ZNF695: variants seen among roughly 807,000 people sequenced by gnomAD.
ZNF695 encodes zinc finger protein 695.
In ZNF695, 11 loss-of-function variants were observed where a neutral mutation model predicts 11.2. The ratio of observed to expected loss-of-function variants is 0.98; its 90% CI spans 0.62 to 1.62. The LOEUF is 1.62. ZNF695 is among the 40% of genes most tolerant of loss of function. ZNF695 has a pLI of 0.00. For synonymous variants in ZNF695, 190 were observed against 201.4 expected (o/e 0.94, Z 0.48); for missense variants, 559 against 590.5 (o/e 0.95, Z 0.55).
At chr1:246,959,664 G>A (rs1209758189) in intron 5 of ZNF695, among the ~76,000 whole-genome samples, 4 of 151,916 alleles carry the variant, frequency 2.6e-5, no homozygotes, top group Non-Finnish European at 4.4e-5. Context: ...CTGACCTCGT[G>A]ATCCACCAGC....
chr1:246,985,233 A>G, downstream of ZNF695: 1 of 919,522 alleles, frequency 1.1e-6, no homozygotes, highest in Middle Eastern at 5.6e-4. Context: ...AAGCATGTAT[A>G]TGTTTTGCAG....
Position 246,987,302 on chromosome 1 carries a change from G to C in ZNF695, c.1213C>G (p.Gln405Glu), listed in dbSNP as rs878975270. 2 of 1,609,322 alleles carry C rather than the reference G, an allele frequency of 1.2e-6. No individual in the cohort carries two copies. Among genetic ancestry groups the C allele is most frequent in the Non-Finnish European group, 1.7e-6 (2 of 1,178,878 alleles). The change falls in exon 4 of 4, where the codon CAG (glutamine) becomes GAG (glutamate). Residue 405 changes from glutamine (Q) to glutamate (E), a missense_variant. Transcript: ENST00000339986. ...LIQHKRIHTG[Q>E]KPYKCEECGK... ...CATTCCTCACATTTGTAGGGTTTCT[G>C]CCCAGTATGAATTCTCTTATGCTGA... is the stretch of plus-strand genomic sequence containing the variant.
chr1:246,951,332 C>A (rs1415306637), intron 5 of ZNF695, among the ~76,000 whole-genome samples: 1 of 152,106 alleles, frequency 6.6e-6, no homozygotes, highest in Non-Finnish European at 1.5e-5. Context: ...TAGGGTGGGT[C>A]CTCATACAAT....
chr1:246,997,891 G>A (rs1224121475), intron 3 of ZNF695, among the ~76,000 whole-genome samples: 1 of 152,180 alleles, frequency 6.6e-6, no homozygotes, highest in African/African-American at 2.4e-5. Flanking sequence ...GATTGCCAAG[G>A]AGGTAGGAAA....
chr1:246,975,557 A>G (rs750917294), intron 4 of ZNF695, among the ~76,000 whole-genome samples: 63 of 152,250 alleles, frequency 4.1e-4, no homozygotes, highest in Non-Finnish European at 6.6e-4. Context: ...GCAATAATAC[A>G]GTGCTTCGAA....
chr1:246,967,998 C>T (rs1668332370), intron 4 of ZNF695: 1 of 156,626 alleles, frequency 6.4e-6, no homozygotes, highest in Non-Finnish European at 1.4e-5. Flanking sequence ...CATATCATTC[C>T]ACTCCTGGCC....
chr1:246,995,966 T>C lies in ZNF695; in HGVS notation c.259+3382A>G, dbSNP rs78701258. On this transcript the variant is annotated intron_variant, in intron 3 of 3. Transcript: ENST00000339986. ...ACATGAAGAGTTCTTTGCATGCCCA[T>C]ATTTATTGCAACATTATTCACAAAA... 1,757 of 443,670 alleles carry C rather than the reference T, an allele frequency of 4.0e-3. 32 individuals are homozygous for C. The highest frequency in any genetic ancestry group is 0.031 in the African/African-American group (1,513 of 49,450). 27.5% of individuals were successfully genotyped at this position (443,670 alleles called of 1,614,324 possible). A position where few individuals can be genotyped will look rare whatever the true frequency, so the allele number is the denominator to read the frequency against.
chr1:247,008,018 G>C lies in ZNF695; in HGVS notation c.-110C>G, dbSNP rs1240392114. ...ACCCGGGACTCTCCGAGAGGCAGCA[G>C]ACGGGAACCCAGCACCCCGCCGGCC... On this transcript the variant is annotated 5_prime_UTR_variant, in exon 1 of 4. Coordinates refer to ENST00000339986, the MANE Select transcript of ZNF695 (RefSeq NM_020394.5). 1 of 1,267,602 alleles carries C rather than the reference G, an allele frequency of 7.9e-7. No individual in the cohort carries two copies. The highest frequency in any genetic ancestry group is 1.5e-5 in the African/African-American group (1 of 65,158). The allele number at this position is 1,267,602 out of a possible 1,614,324, so 78.5% of individuals were successfully genotyped here. A position where few individuals can be genotyped will look rare whatever the true frequency, so the allele number is the denominator to read the frequency against.
Position 246,974,161 on chromosome 1 carries a change from C to CA in ZNF695, c.391-6370dup, listed in dbSNP as rs912540573. On this transcript the variant is annotated intron_variant, in intron 4 of 5. Coordinates refer to the ZNF695 transcript ENST00000487338. The stretch of plus-strand genomic sequence containing the variant: ...TTGGAATAAAAAACAAACAAACAAA[C>CA]AAAAAAAAACAAACAAAAAACAACA... Among the ~76,000 whole-genome samples the CA allele has an allele frequency of 5.1e-3, 729 of 142,760 alleles. 5 individuals are homozygous for CA. Among genetic ancestry groups the CA allele is most frequent in the African/African-American group, 0.016 (609 of 38,442 alleles). 93.7% of individuals were successfully genotyped at this position (142,760 alleles called of 152,430 possible).
intron 3 of ZNF695, among the ~76,000 whole-genome samples, chr1:246,990,010 AAAGGGAGAAAGGGG>A (rs1334843433): frequency 1.1e-4 from 4 of 35,954 alleles, no homozygotes; most frequent in Non-Finnish European, 2.0e-4. Flanking sequence ...TGAAAGGGAG[AAAGGGAGAAAGGGG>A]AAAGGGAAAG....
At position 246,963,231 on chromosome 1, in the gene ZNF695, C is replaced by T. The variant is rs1019198262; in HGVS notation, c.488+4464G>A. ...CTTCTGCATTCATTTATTCATGACA[C>T]GTTTACTAAAGGTGACTGTGTGCCA... On this transcript the variant is annotated intron_variant, in intron 5 of 5. Transcript: ENST00000487338. Among the ~76,000 whole-genome samples the T allele has an allele frequency of 1.2e-4, 19 of 152,242 alleles. 1 individual carries two copies. Among genetic ancestry groups the T allele is most frequent in the Middle Eastern group, 6.8e-3 (2 of 294 alleles).
chr1:246,978,295 T>C (rs1261289883), intron 4 of ZNF695, among the ~76,000 whole-genome samples: 1 of 152,236 alleles, frequency 6.6e-6, no homozygotes, highest in African/African-American at 2.4e-5. Context: ...AGAGGTATAA[T>C]TAAACAGCTG....
downstream of ZNF695, among the ~76,000 whole-genome samples, chr1:246,980,714 G>A (rs553600943): frequency 3.4e-4 from 52 of 152,142 alleles, no homozygotes; most frequent in African/African-American, 1.2e-3. Context: ...CACCGCACCC[G>A]GCCGAGTTTA....
At chr1:246,989,853 C>T (rs144902151) in intron 3 of ZNF695, among the ~76,000 whole-genome samples, 3,214 of 152,082 alleles carry the variant, frequency 0.021, 39 homozygotes, top group Middle Eastern at 0.058. Flanking sequence ...CCCATCTCTA[C>T]CAAAAATACA....
chr1:246,999,699 T>C (rs1020103156), intron 2 of ZNF695, among the ~76,000 whole-genome samples: 1 of 152,222 alleles, frequency 6.6e-6, no homozygotes, highest in Admixed American at 6.5e-5. Flanking sequence ...CAATATTTTA[T>C]ACTACTGAAT....
intron 5 of ZNF695, among the ~76,000 whole-genome samples, chr1:246,965,179 A>G (rs1668255720): frequency 6.6e-6 from 1 of 151,624 alleles, no homozygotes; most frequent in African/African-American, 2.4e-5. Context: ...CATCCTGGCT[A>G]ACCCCGTCTC....
chr1:246,998,932 C>G (rs1412397067), intron 3 of ZNF695, among the ~76,000 whole-genome samples: 3 of 151,662 alleles, frequency 2.0e-5, no homozygotes, highest in African/African-American at 7.3e-5. Context: ...TGTGCCACTG[C>G]ACTCCAGCCT....
chr1:246,963,140 C>T (rs891713003), intron 5 of ZNF695, among the ~76,000 whole-genome samples: 3 of 152,206 alleles, frequency 2.0e-5, no homozygotes, highest in South Asian at 2.1e-4. Context: ...GCCTTTAGTG[C>T]TTTTCCATGC....
chr1:247,003,037 T>G (rs1371978189), intron 1 of ZNF695, among the ~76,000 whole-genome samples: 2 of 152,144 alleles, frequency 1.3e-5, no homozygotes, highest in Non-Finnish European at 2.9e-5. Context: ...AATTAGCCAC[T>G]GTGGAAAGCA....
Sources: allele counts gnomAD v4.1 joint callset (sites outside exome capture counted in the v4.1 genomes callset), GRCh38; gene constraint gnomAD v4.1.1; transcripts MANE v1.5; gene names NCBI Gene and HGNC (gene_info 2026-07-23, HGNC 2026-07-21).